Variants in PPP4R1 observed in about 807,000 individuals in gnomAD.
PPP4R1 encodes the protein serine/threonine-protein phosphatase 4 regulatory subunit 1.
In PPP4R1, 42 loss-of-function variants were observed where a neutral mutation model predicts 111.2. The observed-to-expected ratio is 0.38, with a 90% CI of 0.29 to 0.49. The LOEUF (loss-of-function observed/expected upper bound fraction) is 0.49. Ranked by LOEUF, PPP4R1 falls within the 20% of genes least tolerant of loss-of-function variation. The pLI, the probability that PPP4R1 is intolerant of heterozygous loss-of-function variation, is 0.97. For missense variants in PPP4R1, 1,012 were observed against 1,161.6 expected, an observed-to-expected ratio of 0.87 and a Z score of 1.87; for synonymous variants, 409 against 405.5, an observed-to-expected ratio of 1.01 and a Z score of -0.10.
At chr18:9,604,308 G>C (rs1338160966) in intron 2 of PPP4R1, among the ~76,000 whole-genome samples, 1 of 152,044 alleles carries the variant, frequency 6.6e-6, no homozygotes, top group East Asian at 1.9e-4. Flanking sequence ...TTATATATCA[G>C]CACCACTTCA....
At chr18:9,580,118 C>A (rs2067002396) in intron 9 of PPP4R1, among the ~76,000 whole-genome samples, 1 of 152,098 alleles carries the variant, frequency 6.6e-6, no homozygotes, top group South Asian at 2.1e-4. Flanking sequence ...AAGAGTCTTG[C>A]CCTCTATGTC....
chr18:9,602,493 C>T (rs1380697689), intron 2 of PPP4R1, among the ~76,000 whole-genome samples: 1 of 151,066 alleles, frequency 6.6e-6, no homozygotes, highest in Non-Finnish European at 1.5e-5. Context: ...TTGCAGTGAG[C>T]CGAGATTGCG....
At position 9,549,290 on chromosome 18, in the gene PPP4R1, G is replaced by C. The variant is rs1296526196; in HGVS notation, c.2596C>G (p.Leu866Val). Reference sequence around the variant, plus strand: ...GCTAAGGTTAGCAGATGCGGCATGAGATGCACAGCAAACTGGTCCATGGGA... The same window carrying C: ...GCTAAGGTTAGCAGATGCGGCATGACATGCACAGCAAACTGGTCCATGGGA... ...CLPMDQFAVH[L>V]MPHLLTLAND... The change falls in exon 19 of 20, where the codon CTC (leucine) becomes GTC (valine). Residue 866 changes from leucine (L) to valine (V), a missense_variant. By Grantham distance (32) the Leu-to-Val change is conservative. Around this residue, in one of 2 missense-constraint regions of PPP4R1, gnomAD observed 305 missense variants for 419.5 expected, o/e 0.73. Coordinates refer to ENST00000400556, the MANE Select transcript of PPP4R1 (RefSeq NM_001042388.3). The C allele has an allele frequency of 1.2e-6, 2 of 1,613,626 alleles. No individual in the cohort carries two copies. Among genetic ancestry groups the C allele is most frequent in the Admixed American group, 1.7e-5 (1 of 60,026 alleles).
chr18:9,608,588 A>G (rs1173254579), intron 2 of PPP4R1, among the ~76,000 whole-genome samples: 1 of 152,150 alleles, frequency 6.6e-6, no homozygotes, highest in African/African-American at 2.4e-5. Flanking sequence ...CAAGTTCCAG[A>G]CCCTCTTATA....
intron 13 of PPP4R1, among the ~76,000 whole-genome samples, chr18:9,559,996 T>TA (rs1166667353): frequency 6.6e-6 from 1 of 152,044 alleles, no homozygotes. Flanking sequence ...ACATGTTCAT[T>TA]AAAAAAACAA....
chr18:9,590,898 G>T (rs7240432), intron 4 of PPP4R1, among the ~76,000 whole-genome samples: 64,212 of 151,926 alleles, frequency 0.42, 14,165 homozygotes, highest in African/African-American at 0.55. Flanking sequence ...CTTCTCTTCT[G>T]CAAGAAGCAT....
chr18:9,616,856 T>C (rs1439090144), upstream of PPP4R1, among the ~76,000 whole-genome samples: 1 of 152,206 alleles, frequency 6.6e-6, no homozygotes, highest in Non-Finnish European at 1.5e-5. Context: ...ATCTGTATCA[T>C]TTTTCTGTAT....
In PPP4R1 at chr18:9,614,352, G is replaced by A; in HGVS notation, c.8-82C>T. 1.6e-6 allele frequency: 1 copy of A among 619,616 alleles called. No individual in the cohort carries two copies. Among genetic ancestry groups the A allele is most frequent in the Non-Finnish European group, 1.9e-6 (1 of 513,884 alleles). 38.4% of individuals were successfully genotyped at this position (619,616 alleles called of 1,614,324 possible). On this transcript the variant is annotated intron_variant, in intron 1 of 19. Coordinates refer to ENST00000400556, the MANE Select transcript of PPP4R1 (RefSeq NM_001042388.3). This position sits in a 1 kb window ranked among gnomAD's most constrained non-coding sequence, Gnocchi z 4.1. The stretch of plus-strand genomic sequence containing the variant: ...CCCCCCCCCCGCCCGCCTCCCCCCC[G>A]CCCCGGGGGCGCCTTCCCGCGCCGG...
chr18:9,584,682 A>G (rs2067086695), intron 7 of PPP4R1, 39 bp downstream of exon 7: 2 of 1,605,564 alleles, frequency 1.2e-6, no homozygotes, highest in African/African-American at 1.3e-5. Context: ...CACTAGAACT[A>G]TGTTCTTAAA....
chr18:9,556,958 AT>A (rs1487912598), intron 15 of PPP4R1: 19 of 275,846 alleles, frequency 6.9e-5, no homozygotes, highest in East Asian at 9.1e-5. Flanking sequence ...GCAGCTAATG[AT>A]TTTTTTTAAC....
At chr18:9,548,051 A>C in intron 19 of PPP4R1, 99 bp from the exon 20 acceptor site, 1 of 1,178,966 alleles carries the variant, frequency 8.5e-7, no homozygotes, top group Non-Finnish European at 1.2e-6. Context: ...GGGTATTTCT[A>C]CAAGTACAAA....
chr18:9,564,884 G>A (rs2066741345), intron 11 of PPP4R1, among the ~76,000 whole-genome samples: 2 of 150,234 alleles, frequency 1.3e-5, no homozygotes, highest in African/African-American at 2.5e-5. Flanking sequence ...GGAGTTACTT[G>A]CAGAAAGCTA....
At chr18:9,561,574 C>T (rs539146770) in intron 13 of PPP4R1, among the ~76,000 whole-genome samples, 29 of 152,184 alleles carry the variant, frequency 1.9e-4, no homozygotes, top group African/African-American at 6.3e-4. Context: ...TTAAAATTTT[C>T]GTATTTTTTC....
At chr18:9,570,896 G>T (rs2066851821) in intron 10 of PPP4R1, among the ~76,000 whole-genome samples, 1 of 152,232 alleles carries the variant, frequency 6.6e-6, no homozygotes, top group South Asian at 2.1e-4. Flanking sequence ...TTAAGTATAA[G>T]TCTAGATAGT....
At chr18:9,569,589 G>A (rs1261908582) in intron 11 of PPP4R1, among the ~76,000 whole-genome samples, 1 of 152,116 alleles carries the variant, frequency 6.6e-6, no homozygotes, top group Non-Finnish European at 1.5e-5. Flanking sequence ...CAACAAATCT[G>A]TATAAATTAC....
At chr18:9,578,770 A>C (rs2145163391) in intron 9 of PPP4R1, among the ~76,000 whole-genome samples, 1 of 152,248 alleles carries the variant, frequency 6.6e-6, no homozygotes, top group African/African-American at 2.4e-5. Flanking sequence ...TATGTGTGTA[A>C]ACTAAGGGTT....
intron 11 of PPP4R1, among the ~76,000 whole-genome samples, chr18:9,566,877 AAATT>A (rs2066776568): frequency 6.6e-6 from 1 of 152,148 alleles, no homozygotes; most frequent in African/African-American, 2.4e-5. Flanking sequence ...TATTCCTTTC[AAATT>A]ATTACTGCTC....
In PPP4R1 at chr18:9,563,281, C is replaced by T. The variant is rs939697342; in HGVS notation, c.1746+97G>A. On this transcript the variant is annotated intron_variant, in intron 12 of 19. Coordinates refer to ENST00000400556, the MANE Select transcript of PPP4R1 (RefSeq NM_001042388.3). ...GCTAAAAAATCAGCAACAAACAGAA[C>T]ATACAAACTAAAAGTGATTAGCTAC... is the stretch of plus-strand genomic sequence containing the variant. The T allele has an allele frequency of 8.6e-5, 100 of 1,164,016 alleles. No homozygotes were observed. The Admixed American group carries it at 1.2e-3, about 14-fold the overall frequency. 72.1% of individuals were successfully genotyped at this position (1,164,016 alleles called of 1,614,324 possible).
At chr18:9,575,753 A>G (rs779102363) in intron 10 of PPP4R1, among the ~76,000 whole-genome samples, 1 of 152,200 alleles carries the variant, frequency 6.6e-6, no homozygotes, top group Non-Finnish European at 1.5e-5. Context: ...TGTAATGTCT[A>G]CGGCTGCTTA....
Sources: allele counts gnomAD v4.1 joint callset (sites outside exome capture counted in the v4.1 genomes callset), GRCh38; gene constraint gnomAD v4.1.1; regional missense constraint gnomAD v4.1.1; non-coding constraint Gnocchi (gnomAD v3.1); transcripts MANE v1.5; gene names NCBI Gene and HGNC (gene_info 2026-07-23, HGNC 2026-07-21).